Variants in GDF2 observed in about 807,000 individuals in gnomAD.
GDF2 encodes growth differentiation factor 2.
A neutral mutation model predicts 16.9 loss-of-function variants in GDF2; 17 were observed. The observed-to-expected ratio is 1.00, with a 90% CI of 0.69 to 1.51. GDF2 has a LOEUF of 1.51. Among genes scored for constraint, GDF2 ranks in the 40% most tolerant of loss-of-function variants. GDF2 has a pLI of 0.00. For synonymous variants in GDF2, 276 were observed against 237.6 expected (o/e 1.16, Z -1.49); for missense variants, 523 against 556.3 (o/e 0.94, Z 0.60).
chr10:47,323,005 A>G lies in GDF2; in HGVS notation c.337A>G (p.Ser113Gly). ...AGCGTCCAACATTGTGCGGAGCTTC[A>G]GCATGGAAGGTAGGGTCTCCGCTTG... is the stretch of plus-strand genomic sequence containing the variant. ...TPASNIVRSF[S>G]MEDAISITAT... The change falls in exon 1 of 2, where the codon AGC (serine) becomes GGC (glycine). Residue 113 changes from serine (S) to glycine (G), a missense_variant. Transcript: ENST00000581492. The G allele has an allele frequency of 1.9e-6, 3 of 1,592,880 alleles. No individual in the cohort carries two copies. Among genetic ancestry groups the G allele is most frequent in the Non-Finnish European group, 2.6e-6 (3 of 1,163,470 alleles).
rs1463468242 is a variant in GDF2 at position 47,324,838 on chromosome 10, C to T, written c.347-3C>T. 2 of 1,605,572 alleles carry T rather than the reference C, an allele frequency of 1.2e-6. No individual in the cohort carries two copies. Among genetic ancestry groups the T allele is most frequent in the Non-Finnish European group, 1.7e-6 (2 of 1,174,192 alleles). On this transcript the variant is annotated splice_polypyrimidine_tract_variant and splice_region_variant and intron_variant, in intron 1 of 1. Coordinates refer to ENST00000581492, the MANE Select transcript of GDF2 (RefSeq NM_016204.4). Reference sequence around the variant, plus strand: ...ATGCCCACCACGTGTGTTTGCATTTCAGATGCCATCTCCATAACTGCCACA... The same window carrying T: ...ATGCCCACCACGTGTGTTTGCATTTTAGATGCCATCTCCATAACTGCCACA...
At chr10:47,323,044 G>T in intron 1 of GDF2, 30 bp downstream of exon 1, 1 of 1,513,034 alleles carries the variant, frequency 6.6e-7, no homozygotes, top group Non-Finnish European at 9.0e-7. Flanking sequence ...CATGCGCGCT[G>T]GGGTGGGACT....
At position 47,327,469 on chromosome 10, in the gene GDF2, C is replaced by G. The variant is rs1474224635; in HGVS notation, c.*1685C>G. On this transcript the variant is annotated 3_prime_UTR_variant, in exon 2 of 2. Transcript: ENST00000581492. The stretch of plus-strand genomic sequence containing the variant: ...GAAAATATGAATTCCTGCTACATGC[C>G]GGGCAGTGTAGTGTTACAATGCTAT... Among the ~76,000 whole-genome samples the G allele has an allele frequency of 6.6e-6, 1 of 152,158 alleles. No individual in the cohort carries two copies. The highest frequency in any genetic ancestry group is 2.4e-5 in the African/African-American group (1 of 41,438).
chr10:47,325,062 A>G lies in GDF2; in HGVS notation c.568A>G (p.Thr190Ala), dbSNP rs781908759. Residue 190 changes from threonine (T) to alanine (A), a missense_variant, in exon 2 of 2, where the codon ACC (threonine) becomes GCC (alanine). Thr to Ala is a moderately conservative substitution (Grantham distance 58, BLOSUM62 0). Coordinates refer to ENST00000581492, the MANE Select transcript of GDF2 (RefSeq NM_016204.4). The stretch of plus-strand genomic sequence containing the variant: ...CTGGGATAGTGCTACAGAGACCAAG[A>G]CCTTCCTGGTGTCCCAGGACATTCA... ...DAWDSATETK[T>A]FLVSQDIQDE... 4 of 1,614,058 alleles carry G rather than the reference A, an allele frequency of 2.5e-6. No homozygotes were observed. Among genetic ancestry groups the G allele is most frequent in the Admixed American group, 3.3e-5 (2 of 60,024 alleles).
At chr10:47,324,790 C>T (rs1555208854) in intron 1 of GDF2, 51 bp from the exon 2 acceptor site, 1 of 1,277,680 alleles carries the variant, frequency 7.8e-7, no homozygotes, top group Admixed American at 1.7e-5. Context: ...GCTTCAGTGT[C>T]ATGGAAACAG....
In GDF2 at chr10:47,327,278, G is replaced by C. The variant is rs750297820; in HGVS notation, c.*1494G>C. On this transcript the variant is annotated 3_prime_UTR_variant, in exon 2 of 2. Coordinates refer to ENST00000581492, the MANE Select transcript of GDF2 (RefSeq NM_016204.4). ...GACCTCCAGCCAGAGCAGGGCCTAG[G>C]GGAGGCTTAGAGAGGCCAGGGCCTC... 6.6e-6 allele frequency among the ~76,000 whole-genome samples: 1 copy of C among 152,192 alleles called. No homozygotes were observed. Among genetic ancestry groups the C allele is most frequent in the African/African-American group, 2.4e-5 (1 of 41,452 alleles).
chr10:47,325,863 A>T lies in GDF2; in HGVS notation c.*79A>T. ...CTGCATGCCCCTGGGCACAACAAGG[A>T]CTGATTCAATCTGCATGCCAGCCTG... On this transcript the variant is annotated 3_prime_UTR_variant, in exon 2 of 2. Coordinates refer to ENST00000581492, the MANE Select transcript of GDF2 (RefSeq NM_016204.4). The T allele has an allele frequency of 9.4e-7, 1 of 1,061,746 alleles. No homozygotes were observed. The highest frequency in any genetic ancestry group is 1.3e-6 in the Non-Finnish European group (1 of 749,048). 65.8% of individuals were successfully genotyped at this position (1,061,746 alleles called of 1,614,324 possible).
chr10:47,326,791 C>G lies in GDF2; in HGVS notation c.*1007C>G, dbSNP rs1013075276. On this transcript the variant is annotated 3_prime_UTR_variant, in exon 2 of 2. Transcript: ENST00000581492. ...ATGGGGCAGCCTGTGGCCAGCACCT[C>G]TGCAGTTACTCTGCATAGCCAGCTC... Among the ~76,000 whole-genome samples, 1 of 152,260 alleles carries G rather than the reference C, an allele frequency of 6.6e-6. No individual in the cohort carries two copies. The highest frequency in any genetic ancestry group is 2.4e-5 in the African/African-American group (1 of 41,476).
chr10:47,323,325 C>T (rs2061091779), intron 1 of GDF2, among the ~76,000 whole-genome samples: 1 of 152,128 alleles, frequency 6.6e-6, no homozygotes, highest in Non-Finnish European at 1.5e-5. Flanking sequence ...AGCAGGTGCA[C>T]AGGGATGCCA....
chr10:47,322,632 C>T lies in GDF2; in HGVS notation c.-37C>T, dbSNP rs1555208673. The T allele has an allele frequency of 7.1e-7, 1 of 1,415,614 alleles. No individual in the cohort carries two copies. The highest frequency in any genetic ancestry group is 1.5e-5 in the South Asian group (1 of 67,716). 87.7% of individuals were successfully genotyped at this position (1,415,614 alleles called of 1,614,324 possible). ...GTGCCCGCTAACACAGCACGGCCGC[C>T]TGCAGTCTCCTCTCTGGGTGATTGC... On this transcript the variant is annotated 5_prime_UTR_variant, in exon 1 of 2. Transcript: ENST00000581492.
In GDF2 at chr10:47,325,193, C is replaced by T; in HGVS notation, c.699C>T (p.His233=). The T allele has an allele frequency of 1.2e-6, 2 of 1,614,050 alleles. No individual in the cohort carries two copies. The highest frequency in any genetic ancestry group is 1.7e-6 in the Non-Finnish European group (2 of 1,180,020). ...KNKLEVTVES[H]RKGCDTLDIS... ...AGCTGGAAGTGACTGTGGAGAGCCA[C>T]AGGAAGGGCTGCGACACGCTGGACA... The change falls in exon 2 of 2, where the codon CAC becomes CAT. Residue 233 remains histidine, a synonymous_variant. Coordinates refer to ENST00000581492, the MANE Select transcript of GDF2 (RefSeq NM_016204.4).
In GDF2 at chr10:47,323,528, C is replaced by T. The variant is rs143735826; in HGVS notation, c.346+514C>T. On this transcript the variant is annotated intron_variant, in intron 1 of 1. Coordinates refer to ENST00000581492, the MANE Select transcript of GDF2 (RefSeq NM_016204.4). ...GCACATCTATTCCTTTCTTATGAAA[C>T]GGTTTTAAAAATCAGATAAAATTCT... Among the ~76,000 whole-genome samples, 277 of 152,268 alleles carry T rather than the reference C, an allele frequency of 1.8e-3. 1 individual carries two copies. Among genetic ancestry groups the T allele is most frequent in the Non-Finnish European group, 3.0e-3 (206 of 68,026 alleles).
chr10:47,322,543 C>T lies in GDF2; in HGVS notation c.-126C>T. The T allele has an allele frequency of 2.8e-6, 2 of 705,098 alleles. No individual in the cohort carries two copies. Among genetic ancestry groups the T allele is most frequent in the Non-Finnish European group, 4.5e-6 (2 of 440,210 alleles). 43.7% of individuals were successfully genotyped at this position (705,098 alleles called of 1,614,324 possible). A position where few individuals can be genotyped will look rare whatever the true frequency, so the allele number is the denominator to read the frequency against. On this transcript the variant is annotated 5_prime_UTR_variant, in exon 1 of 2. Coordinates refer to ENST00000581492, the MANE Select transcript of GDF2 (RefSeq NM_016204.4). Reference sequence around the variant, plus strand: ...GCAGCGGGTGAGAGTGGGTGCTGGCCAGGACGGTTCCTTCAGAGCAAACAG... The same window carrying T: ...GCAGCGGGTGAGAGTGGGTGCTGGCTAGGACGGTTCCTTCAGAGCAAACAG...
chr10:47,322,787 C>T lies in GDF2; in HGVS notation c.119C>T (p.Pro40Leu). ...TCTGCTGGGGGAAACGCCCACAGCCCACTGGGGGTGCCTGGAGGTGGGCTG... is the reference window on the plus strand; with the variant it reads ...TCTGCTGGGGGAAACGCCCACAGCCTACTGGGGGTGCCTGGAGGTGGGCTG... Reference protein sequence around the residue: ...RGSAGGNAHSPLGVPGGGLPE... With the variant: ...RGSAGGNAHSLLGVPGGGLPE... Residue 40 changes from proline (P) to leucine (L), a missense_variant, in exon 1 of 2, where the codon CCA becomes CTA. Transcript: ENST00000581492. 6.2e-7 allele frequency: 1 copy of T among 1,613,646 alleles called. No homozygotes were observed. Among genetic ancestry groups the T allele is most frequent in the Non-Finnish European group, 8.5e-7 (1 of 1,179,838 alleles).
Position 47,325,752 on chromosome 10 carries a change from G to A in GDF2, c.1258G>A (p.Gly420Ser), listed in dbSNP as rs782664042. ...GVPTLKYHYE[G>S]MSVAECGCR ...GCCCACCCTCAAGTACCATTACGAG[G>A]GCATGAGCGTGGCAGAGTGTGGGTG... Residue 420 changes from glycine to serine, a missense_variant, in exon 2 of 2, where the codon GGC becomes AGC. Physicochemically the swap from Gly to Ser is moderately conservative, Grantham distance 56 (BLOSUM62 0). Coordinates refer to ENST00000581492, the MANE Select transcript of GDF2 (RefSeq NM_016204.4). 8 of 1,558,592 alleles carry A rather than the reference G, an allele frequency of 5.1e-6. No homozygotes were observed. Among genetic ancestry groups the A allele is most frequent in the Non-Finnish European group, 6.1e-6 (7 of 1,150,486 alleles).
rs781981224 is a variant in GDF2, at chr10:47,325,592, C to T, written c.1098C>T (p.Asp366=). The T allele has an allele frequency of 1.1e-5, 17 of 1,614,004 alleles. No individual in the cohort carries two copies. Among genetic ancestry groups the T allele is most frequent in the South Asian group, 5.5e-5 (5 of 91,088 alleles). The change falls in exon 2 of 2, where the codon GAC becomes GAT. Residue 366 remains aspartate (D), a synonymous_variant. Coordinates refer to ENST00000581492, the MANE Select transcript of GDF2 (RefSeq NM_016204.4). The part of the protein sequence containing the change: ...CKGGCFFPLA[D]DVTPTKHAIV... ...GCGGCTGCTTCTTCCCCTTGGCTGA[C>T]GATGTGACGCCGACGAAACACGCTA...
rs1588850527 is a variant in GDF2 at position 47,322,551 on chromosome 10, T to C, written c.-118T>C. On this transcript the variant is annotated 5_prime_UTR_variant, in exon 1 of 2. Transcript: ENST00000581492. ...TGAGAGTGGGTGCTGGCCAGGACGGTTCCTTCAGAGCAAACAGCAGGGAGA... is the reference window on the plus strand; with the variant it reads ...TGAGAGTGGGTGCTGGCCAGGACGGCTCCTTCAGAGCAAACAGCAGGGAGA... 1 of 752,672 alleles carries C rather than the reference T, an allele frequency of 1.3e-6. No homozygotes were observed. Among genetic ancestry groups the C allele is most frequent in the South Asian group, 2.1e-5 (1 of 46,852 alleles). The allele number at this position is 752,672 out of a possible 1,614,324, so 46.6% of individuals were successfully genotyped here.
rs2061102920 is a variant in GDF2, at chr10:47,325,499, C to G, written c.1005C>G (p.Asn335Lys). 6.2e-7 allele frequency: 1 copy of G among 1,613,968 alleles called. No individual in the cohort carries two copies. Among genetic ancestry groups the G allele is most frequent in the African/African-American group, 1.3e-5 (1 of 74,950 alleles). ...GTCAAAAGACCTCCCTGCGGGTAAA[C>G]TTCGAGGACATCGGCTGGGACAGCT... ...SHCQKTSLRV[N>K]FEDIGWDSWI... Residue 335 changes from asparagine (N) to lysine (K), a missense_variant, in exon 2 of 2, where the codon AAC (asparagine) becomes AAG (lysine). Asn to Lys is a moderately conservative substitution (Grantham distance 94, BLOSUM62 0). Transcript: ENST00000581492.
Position 47,326,130 on chromosome 10 carries a change from G to A in GDF2, c.*346G>A, listed in dbSNP as rs1257154124. 6.7e-5 allele frequency: 14 copies of A among 208,364 alleles called. No individual in the cohort carries two copies. Among genetic ancestry groups the A allele is most frequent in the African/African-American group, 2.5e-4 (11 of 43,552 alleles). The allele number at this position is 208,364 out of a possible 1,614,324, so 12.9% of individuals were successfully genotyped here. On this transcript the variant is annotated 3_prime_UTR_variant, in exon 2 of 2. Transcript: ENST00000581492. ...CGGGCAGGTCACTGCAGAGACTGAT[G>A]GAAGTTAGAGAGGTGGAGGAGGCCA...
Sources: gnomAD v4.1 joint callset for allele counts (sites outside exome capture counted in the v4.1 genomes callset) on GRCh38, gnomAD v4.1.1 for gene constraint, MANE v1.5 for transcripts, NCBI Gene and HGNC (gene_info 2026-07-23, HGNC 2026-07-21) for gene names.